PEMT: variants seen among roughly 807,000 people sequenced by gnomAD.
PEMT encodes the protein phosphatidylethanolamine N-methyltransferase, also known as phospholipid methyltransferase.
PEMT carries 23 observed loss-of-function variants against 27.4 expected under a neutral mutation model. That is an observed-to-expected ratio of 0.84 (90% CI 0.60 to 1.19). PEMT has a LOEUF of 1.19. PEMT is among the 50% of genes most tolerant of loss of function. The pLI is 0.00. For missense variants in PEMT, 307 were observed against 310.1 expected (o/e 0.99, Z 0.07); for synonymous variants, 137 against 139.1 (o/e 0.98, Z 0.11).
intron 2 of PEMT, among the ~76,000 whole-genome samples, chr17:17,522,981 C>T (rs1170762741): frequency 2.0e-5 from 3 of 152,262 alleles, no homozygotes; most frequent in African/African-American, 7.2e-5. Context: ...CTTTTAGCCT[C>T]AGAATCCTTT....
chr17:17,572,004 C>A (rs905607786), intron 2 of PEMT, among the ~76,000 whole-genome samples: 1 of 152,208 alleles, frequency 6.6e-6, no homozygotes, highest in African/African-American at 2.4e-5. Flanking sequence ...CTGGCCTTCT[C>A]ACACTGTCTG....
At position 17,512,687 on chromosome 17, in the gene PEMT, T is replaced by C; in HGVS notation, c.321-33A>G. 6.8e-7 allele frequency: 1 copy of C among 1,472,528 alleles called. No individual in the cohort carries two copies. Among genetic ancestry groups the C allele is most frequent in the Non-Finnish European group, 9.1e-7 (1 of 1,101,526 alleles). The allele number at this position is 1,472,528 out of a possible 1,614,324, so 91.2% of individuals were successfully genotyped here. A position where few individuals can be genotyped will look rare whatever the true frequency, so the allele number is the denominator to read the frequency against. ...CAGGGGATGGAGAGGGAGGACGTCA[T>C]GGCCAGGGAGGATGTCACAGCCCGG... On this transcript the variant is annotated intron_variant, in intron 3 of 6. Coordinates refer to ENST00000255389, the MANE Select transcript of PEMT (RefSeq NM_148172.3). This position sits in a 1 kb window ranked among gnomAD's most constrained non-coding sequence, Gnocchi z 6.3.
At chr17:17,581,969 C>T (rs1912002294) in intron 1 of PEMT, among the ~76,000 whole-genome samples, 1 of 152,152 alleles carries the variant, frequency 6.6e-6, no homozygotes, top group South Asian at 2.1e-4. Context: ...GAGGGTGGAC[C>T]TCCCTCCTGA....
chr17:17,505,643 C>A lies in PEMT; in HGVS notation c.*148G>T. 2.3e-6 allele frequency: 2 copies of A among 852,458 alleles called. No homozygotes were observed. The highest frequency in any genetic ancestry group is 3.3e-6 in the Non-Finnish European group (2 of 599,836). The allele number at this position is 852,458 out of a possible 1,614,324, so 52.8% of individuals were successfully genotyped here. On this transcript the variant is annotated 3_prime_UTR_variant, in exon 7 of 7. Coordinates refer to ENST00000255389, the MANE Select transcript of PEMT (RefSeq NM_148172.3). ...GCCATATGTCGGCACGTCCAGGGTC[C>A]CCAAGGCAGCAGGTTCCAAGGCACT...
In PEMT at chr17:17,527,987, C is replaced by G. The variant is rs192277027; in HGVS notation, c.205-5592G>C. ...GCCAGGACCCCCCCACCACCTGGCC[C>G]AGGGCTCCCAGCCTAGGCACCTGGG... On this transcript the variant is annotated intron_variant, in intron 2 of 6. Coordinates refer to ENST00000255389, the MANE Select transcript of PEMT (RefSeq NM_148172.3). Among the ~76,000 whole-genome samples, 288 of 152,342 alleles carry G rather than the reference C, an allele frequency of 1.9e-3. No individual in the cohort carries two copies. In the Middle Eastern group the frequency reaches 0.024, roughly 13 times the overall value.
chr17:17,576,141 C>G (rs1310289822), intron 2 of PEMT, among the ~76,000 whole-genome samples: 1 of 152,094 alleles, frequency 6.6e-6, no homozygotes, highest in Non-Finnish European at 1.5e-5. Flanking sequence ...AGAAGCACCC[C>G]CCAGAGACAG....
At chr17:17,575,403 A>G (rs1911510557) in intron 2 of PEMT, among the ~76,000 whole-genome samples, 1 of 152,256 alleles carries the variant, frequency 6.6e-6, no homozygotes, top group South Asian at 2.1e-4. Context: ...AGACCTTCAC[A>G]GGATGTGGAC....
intron 2 of PEMT, among the ~76,000 whole-genome samples, chr17:17,556,341 G>C (rs145337774): frequency 6.6e-6 from 1 of 151,766 alleles, no homozygotes; most frequent in Admixed American, 6.6e-5. Context: ...TTCTGCATGG[G>C]AGCCTTCCTT....
At chr17:17,565,655 G>A (rs1052608417) in intron 2 of PEMT, among the ~76,000 whole-genome samples, 5 of 152,264 alleles carry the variant, frequency 3.3e-5, no homozygotes, top group African/African-American at 4.8e-5. Context: ...CTGCCACTGT[G>A]TGGCCCTGTG....
intron 1 of PEMT, among the ~76,000 whole-genome samples, chr17:17,583,333 G>A (rs754328378): frequency 6.6e-6 from 1 of 152,184 alleles, no homozygotes. Context: ...CCGAGATCAC[G>A]CCACTGCACT....
chr17:17,517,304 A>C (rs1906913562), intron 3 of PEMT, among the ~76,000 whole-genome samples: 1 of 152,240 alleles, frequency 6.6e-6, no homozygotes, highest in Admixed American at 6.5e-5. Context: ...CAGCAGAAGG[A>C]AACTAATACA....
intron 2 of PEMT, among the ~76,000 whole-genome samples, chr17:17,558,824 C>T (rs1597931840): frequency 1.3e-5 from 2 of 152,170 alleles, no homozygotes; most frequent in East Asian, 3.9e-4. Context: ...CAGCCGACAC[C>T]CCTCCCAGAG....
intron 2 of PEMT, among the ~76,000 whole-genome samples, chr17:17,555,204 T>C (rs1328236066): frequency 6.6e-6 from 1 of 151,878 alleles, no homozygotes; most frequent in African/African-American, 2.4e-5. Context: ...TGGGAAGCCA[T>C]GGAGCTCTGC....
intron 5 of PEMT, chr17:17,508,720 C>T (rs575311711): frequency 4.0e-4 from 184 of 459,046 alleles, no homozygotes; most frequent in African/African-American, 2.8e-3. Context: ...TCTGACCCGC[C>T]GGGGGAGCAC....
intron 2 of PEMT, among the ~76,000 whole-genome samples, chr17:17,572,684 C>G (rs1260004561): frequency 6.6e-6 from 1 of 152,244 alleles, no homozygotes; most frequent in Non-Finnish European, 1.5e-5. Flanking sequence ...GCGTGAGGGC[C>G]AGGGGCCGGG....
intron 2 of PEMT, among the ~76,000 whole-genome samples, chr17:17,554,695 A>C (rs964454146): frequency 6.6e-6 from 1 of 152,012 alleles, no homozygotes; most frequent in Non-Finnish European, 1.5e-5. Context: ...GGCTCACTAC[A>C]ACCTCTGCCT....
At chr17:17,527,300 G>C (rs111766238) in intron 2 of PEMT, among the ~76,000 whole-genome samples, 14,656 of 152,260 alleles carry the variant, frequency 0.096, 832 homozygotes, top group East Asian at 0.18. Context: ...GCCTCTCAAA[G>C]TGCTGGGATT....
rs1833902183 is a variant in PEMT, at chr17:17,522,343, G to C, written c.257C>G (p.Pro86Arg). The C allele has an allele frequency of 6.2e-7, 1 of 1,613,994 alleles. No individual in the cohort carries two copies. The highest frequency in any genetic ancestry group is 8.5e-7 in the Non-Finnish European group (1 of 1,179,950). Residue 86 changes from proline (P) to arginine (R), a missense_variant, in exon 3 of 7, where the codon CCC (proline) becomes CGC (arginine). Pro to Arg is a moderately radical substitution (Grantham distance 103). Coordinates refer to ENST00000255389, the MANE Select transcript of PEMT (RefSeq NM_148172.3). ...TRKLSRAFGS[P>R]YLACYSLSVT... ...GCTTAGAGAGTAGCAGGCCAGGTAG[G>C]GGGATCCGAAGGCCCTGCTCAGCTT...
intron 1 of PEMT, among the ~76,000 whole-genome samples, chr17:17,581,779 TC>T: frequency 6.6e-6 from 1 of 152,246 alleles, no homozygotes; most frequent in Middle Eastern, 3.4e-3. Context: ...TCCGGTCACT[TC>T]AGTCACCTTG....
Sources: allele counts gnomAD v4.1 joint callset (sites outside exome capture counted in the v4.1 genomes callset), GRCh38; gene constraint gnomAD v4.1.1; non-coding constraint Gnocchi (gnomAD v3.1); transcripts MANE v1.5; gene names NCBI Gene and HGNC (gene_info 2026-07-23, HGNC 2026-07-21).